Variants in TRAF5 observed in about 807,000 individuals in gnomAD.
TRAF5 encodes the protein TNF receptor-associated factor 5.
A neutral mutation model predicts 64.5 loss-of-function variants in TRAF5; 48 were observed. That is an observed-to-expected ratio of 0.74 (90% confidence interval 0.59 to 0.95). The LOEUF (loss-of-function observed/expected upper bound fraction) is 0.95, where lower values mean the gene tolerates loss of function less well. Ranked by LOEUF, TRAF5 falls within the 40% of genes least tolerant of loss-of-function variation. The pLI, the probability that TRAF5 is intolerant of heterozygous loss-of-function variation, is 0.00. For missense variants in TRAF5, 545 were observed against 662.8 expected, an observed-to-expected ratio of 0.82 and a Z score of 1.95; for synonymous variants, 206 against 240.5, an observed-to-expected ratio of 0.86 and a Z score of 1.33.
At chr1:211,335,170 G>A (rs1446089628) in intron 1 of TRAF5, among the ~76,000 whole-genome samples, 2 of 152,214 alleles carry the variant, frequency 1.3e-5, no homozygotes, top group African/African-American at 4.8e-5. Context: ...TAAGACGTGA[G>A]TGTGACATGG....
intron 1 of TRAF5, among the ~76,000 whole-genome samples, chr1:211,344,771 A>G (rs7527620): frequency 0.97 from 147,360 of 152,186 alleles, 71,347 homozygotes; most frequent in East Asian, 1. Flanking sequence ...TTTTAAGTTA[A>G]GGTCTTTCTC....
intron 7 of TRAF5, among the ~76,000 whole-genome samples, chr1:211,363,255 T>C (rs528091496): frequency 2.6e-5 from 4 of 152,206 alleles, no homozygotes; most frequent in Non-Finnish European, 5.9e-5. Context: ...CACACAAAGA[T>C]GTTTATTCTA....
chr1:211,366,985 G>A (rs1381884050), intron 8 of TRAF5, among the ~76,000 whole-genome samples: 1 of 151,916 alleles, frequency 6.6e-6, no homozygotes, highest in Admixed American at 6.6e-5. Flanking sequence ...TTGTTTGTTT[G>A]TTTGTTTGTT....
chr1:211,330,183 A>G (rs924503328), intron 1 of TRAF5, among the ~76,000 whole-genome samples: 1 of 152,114 alleles, frequency 6.6e-6, no homozygotes, highest in Admixed American at 6.5e-5. Flanking sequence ...TGGTCTGTAC[A>G]CTGTGCAGTA....
intron 1 of TRAF5, among the ~76,000 whole-genome samples, chr1:211,349,278 G>T (rs1378095632): frequency 6.6e-6 from 1 of 152,136 alleles, no homozygotes; most frequent in African/African-American, 2.4e-5. Context: ...CCTCAGACTG[G>T]GTAATTTATA....
chr1:211,371,594 A>G (rs752128572), intron 10 of TRAF5, 124 bp downstream of exon 10: 6 of 1,027,748 alleles, frequency 5.8e-6, no homozygotes, highest in Non-Finnish European at 8.4e-6. Context: ...TGAATCTGCT[A>G]TTTGTGAAAG....
intron 3 of TRAF5, among the ~76,000 whole-genome samples, 182 bp downstream of exon 3, chr1:211,354,649 C>T (rs974369691): frequency 6.6e-6 from 1 of 152,042 alleles, no homozygotes; most frequent in African/African-American, 2.4e-5. Context: ...TTGTTTGGGT[C>T]TTTATTGACC....
At chr1:211,360,967 T>A in intron 6 of TRAF5, 121 bp from the exon 7 acceptor site, 1 of 1,084,364 alleles carries the variant, frequency 9.2e-7, no homozygotes, top group Non-Finnish European at 1.4e-6. Context: ...AGCTCTTTCT[T>A]GCCAGGCCTC....
chr1:211,352,174 C>T (rs1034118897), intron 1 of TRAF5, among the ~76,000 whole-genome samples: 1 of 152,098 alleles, frequency 6.6e-6, no homozygotes, highest in Admixed American at 6.6e-5. Flanking sequence ...ACTTACAGTT[C>T]CATGTGGCTG....
At chr1:211,345,664 G>T (rs1702586362) in intron 1 of TRAF5, among the ~76,000 whole-genome samples, 1 of 152,214 alleles carries the variant, frequency 6.6e-6, no homozygotes, top group East Asian at 1.9e-4. Flanking sequence ...CTGCTCAAGT[G>T]GGTATTAGGC....
intron 2 of TRAF5, 124 bp from the exon 3 acceptor site, chr1:211,354,286 C>T: frequency 1.3e-6 from 1 of 773,158 alleles, no homozygotes; most frequent in East Asian, 2.7e-5. Context: ...GTAGAGGGAA[C>T]AGCATGTGCA....
intron 5 of TRAF5, 121 bp from the exon 6 acceptor site, chr1:211,360,581 A>T: frequency 1.5e-6 from 1 of 682,890 alleles, no homozygotes; most frequent in Non-Finnish European, 2.5e-6. Flanking sequence ...TTTTGGAATT[A>T]GGCAATAACT....
At chr1:211,366,966 A>ATTGT (rs1553272282) in intron 8 of TRAF5, among the ~76,000 whole-genome samples, 20,454 of 107,490 alleles carry the variant, frequency 0.19, 1,425 homozygotes, top group South Asian at 0.27. Flanking sequence ...TGGTCAGCTA[A>ATTGT]TTGTTTGTTT....
At chr1:211,362,412 G>A (rs1703214666) in intron 7 of TRAF5, among the ~76,000 whole-genome samples, 1 of 152,170 alleles carries the variant, frequency 6.6e-6, no homozygotes, top group African/African-American at 2.4e-5. Flanking sequence ...TGGTGCGATG[G>A]CTTATGCCTG....
At chr1:211,351,174 C>T (rs1461529122) in intron 1 of TRAF5, among the ~76,000 whole-genome samples, 1 of 151,670 alleles carries the variant, frequency 6.6e-6, no homozygotes, top group African/African-American at 2.4e-5. Flanking sequence ...CTACAGGCAC[C>T]TGCCACCACG....
At chr1:211,340,778 C>T (rs1253137669) in intron 1 of TRAF5, among the ~76,000 whole-genome samples, 1 of 152,248 alleles carries the variant, frequency 6.6e-6, no homozygotes, top group African/African-American at 2.4e-5. Flanking sequence ...TTGACCTCCA[C>T]ATTCTTACCA....
chr1:211,348,811 C>G (rs1360229952), intron 1 of TRAF5, among the ~76,000 whole-genome samples: 1 of 151,978 alleles, frequency 6.6e-6, no homozygotes, highest in East Asian at 1.9e-4. Context: ...TTTCTGGGCT[C>G]TTTATTCTCT....
intron 5 of TRAF5, chr1:211,360,477 T>G (rs1329007809): frequency 1.9e-6 from 1 of 522,850 alleles, no homozygotes; most frequent in Non-Finnish European, 3.4e-6. Flanking sequence ...CTTCTTTGAA[T>G]CCTGTGTTCT....
At chr1:211,365,517 G>A (rs1572090394) in intron 8 of TRAF5, 49 bp downstream of exon 8, 1 of 1,424,386 alleles carries the variant, frequency 7.0e-7, no homozygotes, top group East Asian at 2.4e-5. Flanking sequence ...GAATTGCTGG[G>A]ATTTACCTGC....
Sources: allele counts gnomAD v4.1 joint callset (sites outside exome capture counted in the v4.1 genomes callset), GRCh38; gene constraint gnomAD v4.1.1; transcripts MANE v1.5; gene names NCBI Gene and HGNC (gene_info 2026-07-23, HGNC 2026-07-21).